Variants in SEMA5A observed in about 807,000 individuals in gnomAD.
SEMA5A encodes the protein semaphorin 5A, also known as semaphorin-5A.
SEMA5A carries 55 observed loss-of-function variants against 135.5 expected under a neutral mutation model. The observed-to-expected ratio is 0.41, with a 90% confidence interval of 0.33 to 0.51. The LOEUF is 0.51. Ranked by LOEUF, SEMA5A falls within the 20% of genes least tolerant of loss-of-function variation. SEMA5A has a pLI of 0.37. For synonymous variants in SEMA5A, 580 were observed against 546.5 expected, an observed-to-expected ratio of 1.06 and a Z score of -0.85; for missense variants, 1,290 against 1,419.9, an observed-to-expected ratio of 0.91 and a Z score of 1.47.
chr5:9,291,038 A>C (rs1473693652), intron 5 of SEMA5A, among the ~76,000 whole-genome samples: 1 of 152,144 alleles, frequency 6.6e-6, no homozygotes, highest in Non-Finnish European at 1.5e-5. Flanking sequence ...ATATTAGTAC[A>C]TTTTACATTG....
At chr5:9,182,148 T>TTCCCCC (rs1374414168) in intron 11 of SEMA5A, among the ~76,000 whole-genome samples, 1 of 130,896 alleles carries the variant, frequency 7.6e-6, no homozygotes, top group African/African-American at 3.3e-5. Context: ...TTATTGCTTC[T>TTCCCCC]GCCCCCCACC....
intron 11 of SEMA5A, among the ~76,000 whole-genome samples, chr5:9,159,765 C>A (rs1258320223): frequency 1.3e-5 from 2 of 152,164 alleles, no homozygotes; most frequent in South Asian, 4.1e-4. Context: ...ATGTTTATTG[C>A]AGCACTATTT....
intron 12 of SEMA5A, among the ~76,000 whole-genome samples, chr5:9,141,036 A>C (rs1742040762): frequency 6.6e-6 from 1 of 152,214 alleles, no homozygotes; most frequent in Non-Finnish European, 1.5e-5. Flanking sequence ...CATTACACTT[A>C]TCCTTTAAAA....
At chr5:9,392,714 C>T (rs1010518016) in intron 2 of SEMA5A, among the ~76,000 whole-genome samples, 7 of 152,148 alleles carry the variant, frequency 4.6e-5, no homozygotes, top group African/African-American at 1.4e-4. Context: ...TTGCTATCCC[C>T]AGGGCCTAGG....
chr5:9,398,878 G>A (rs771045112), intron 2 of SEMA5A, among the ~76,000 whole-genome samples: 3 of 152,140 alleles, frequency 2.0e-5, no homozygotes, highest in Non-Finnish European at 4.4e-5. Context: ...TGTCTGAATC[G>A]GAAACCACTG....
At position 9,042,940 on chromosome 5, in the gene SEMA5A, G is replaced by C. The variant is rs1401828635; in HGVS notation, c.3182C>G (p.Ser1061Cys). 3.1e-6 allele frequency: 5 copies of C among 1,613,570 alleles called. No individual in the cohort carries two copies. In the South Asian group the frequency reaches 5.5e-5, roughly 18 times the overall value. ...ATTGAGATCTGTAAAGTAGGCATTA[G>C]AATAGGTCTTCCCAGTGAGATGTGG... ...FNPHLTGKTY[S>C]NAYFTDLNNY... The change falls in exon 23 of 23, where the codon TCT (serine) becomes TGT (cysteine). Residue 1061 changes from serine (S) to cysteine (C), a missense_variant. Physicochemically the swap from Ser to Cys is moderately radical, Grantham distance 112. This residue lies in a region of SEMA5A where 1,029 missense variants were observed against 1,086.6 expected (regional missense o/e 0.95). Transcript: ENST00000382496.
intron 11 of SEMA5A, among the ~76,000 whole-genome samples, chr5:9,185,519 T>C (rs1291960643): frequency 6.6e-6 from 1 of 152,232 alleles, no homozygotes; most frequent in Non-Finnish European, 1.5e-5. Flanking sequence ...TGTTTTTATA[T>C]AAATGTTTAT....
intron 12 of SEMA5A, among the ~76,000 whole-genome samples, chr5:9,142,250 AT>A (rs1299893329): frequency 6.6e-6 from 1 of 152,228 alleles, no homozygotes; most frequent in Non-Finnish European, 1.5e-5. Context: ...ACTGGAACAA[AT>A]GGGATGAACA....
At chr5:9,276,308 GA>G (rs991401313) in intron 5 of SEMA5A, among the ~76,000 whole-genome samples, 1 of 152,182 alleles carries the variant, frequency 6.6e-6, no homozygotes, top group Non-Finnish European at 1.5e-5. Flanking sequence ...GGAAATAAGA[GA>G]GGACACAAAC....
At chr5:9,081,849 A>T (rs371614371) in intron 16 of SEMA5A, among the ~76,000 whole-genome samples, 1 of 152,214 alleles carries the variant, frequency 6.6e-6, no homozygotes, top group Non-Finnish European at 1.5e-5. Context: ...TTGAGTAAGT[A>T]TCTTCTGCTT....
rs1254787245 is a variant in SEMA5A, at chr5:9,232,924, C to T, written c.333+4904G>A. Among the ~76,000 whole-genome samples, 7 of 152,184 alleles carry T rather than the reference C, an allele frequency of 4.6e-5. No homozygotes were observed. In the East Asian group the frequency reaches 1.2e-3, roughly 25 times the overall value. On this transcript the variant is annotated intron_variant, in intron 6 of 22. Transcript: ENST00000382496. Reference sequence around the variant, plus strand: ...TACAAAATGTCAAGATCCAGCCCTACACCAGCAGGCACTTAGGTAGTATGG... The same window carrying T: ...TACAAAATGTCAAGATCCAGCCCTATACCAGCAGGCACTTAGGTAGTATGG...
chr5:9,121,672 T>A (rs1033293303), intron 14 of SEMA5A, among the ~76,000 whole-genome samples: 1 of 152,066 alleles, frequency 6.6e-6, no homozygotes, highest in Non-Finnish European at 1.5e-5. Context: ...AATGTTGATA[T>A]GCCTGTGTCC....
intron 5 of SEMA5A, among the ~76,000 whole-genome samples, chr5:9,251,211 T>C (rs987161913): frequency 6.6e-6 from 1 of 152,156 alleles, no homozygotes; most frequent in African/African-American, 2.4e-5. Flanking sequence ...GGCACCAAAC[T>C]CTTGGACCTC....
intron 1 of SEMA5A, among the ~76,000 whole-genome samples, chr5:9,500,147 A>C (rs1167547862): frequency 2.0e-5 from 3 of 152,218 alleles, no homozygotes; most frequent in Non-Finnish European, 4.4e-5. Context: ...TGGGCCAACC[A>C]CACAGAGCCA....
chr5:9,111,537 T>C (rs1213674131), intron 15 of SEMA5A, among the ~76,000 whole-genome samples: 1 of 152,182 alleles, frequency 6.6e-6, no homozygotes, highest in African/African-American at 2.4e-5. Context: ...TGTTAATAAA[T>C]TGTCTACTGA....
chr5:9,308,189 C>T (rs1486670826), intron 5 of SEMA5A, among the ~76,000 whole-genome samples: 1 of 152,156 alleles, frequency 6.6e-6, no homozygotes, highest in Admixed American at 6.5e-5. Flanking sequence ...CCCCATCCAG[C>T]TCTTATGAAA....
At chr5:9,542,956 T>A (rs1738172742) in intron 1 of SEMA5A, among the ~76,000 whole-genome samples, 1 of 152,178 alleles carries the variant, frequency 6.6e-6, no homozygotes, top group African/African-American at 2.4e-5. Flanking sequence ...CTGCTCCTCC[T>A]CCACATCTTC....
chr5:9,118,600 A>T (rs1740642680), intron 15 of SEMA5A, among the ~76,000 whole-genome samples: 1 of 152,134 alleles, frequency 6.6e-6, no homozygotes, highest in South Asian at 2.1e-4. Flanking sequence ...CCTGCCCAGT[A>T]GTGTCTGCAT....
intron 1 of SEMA5A, among the ~76,000 whole-genome samples, chr5:9,439,895 G>A (rs768272406): frequency 6.6e-6 from 1 of 152,232 alleles, no homozygotes; most frequent in Non-Finnish European, 1.5e-5. Context: ...GTCTAAACAG[G>A]AAATCAGTCT....
Sources: gnomAD v4.1 joint callset for allele counts (sites outside exome capture counted in the v4.1 genomes callset) on GRCh38, gnomAD v4.1.1 for gene constraint, gnomAD v4.1.1 regional missense constraint, MANE v1.5 for transcripts, NCBI Gene and HGNC (gene_info 2026-07-23, HGNC 2026-07-21) for gene names.